Variants in THSD7A observed in about 807,000 individuals in gnomAD.
The protein encoded by THSD7A is thrombospondin type-1 domain-containing protein 7A.
A neutral mutation model predicts 231.3 loss-of-function variants in THSD7A; 96 were observed. The observed-to-expected ratio is 0.41, with a 90% confidence interval of 0.35 to 0.49. The LOEUF (loss-of-function observed/expected upper bound fraction) is 0.49, where lower values mean the gene tolerates loss of function less well. Ranked by LOEUF, THSD7A falls within the 20% of genes least tolerant of loss-of-function variation. The probability of loss-of-function intolerance (pLI) is 0.05; values close to 1 mark genes in which losing one functional copy is unlikely to be tolerated. For missense variants in THSD7A, 2,290 were observed against 2,070.2 expected (o/e 1.11, Z -2.06); for synonymous variants, 940 against 743.3 (o/e 1.26, Z -4.30).
chr7:11,594,784 C>T (rs527746052), intron 2 of THSD7A, among the ~76,000 whole-genome samples: 4 of 152,138 alleles, frequency 2.6e-5, no homozygotes, highest in East Asian at 3.9e-4. Flanking sequence ...GAGAAGGAGC[C>T]GAAATTGTGG....
At chr7:11,582,484 A>G (rs1791208390) in intron 4 of THSD7A, among the ~76,000 whole-genome samples, 2 of 152,066 alleles carry the variant, frequency 1.3e-5, no homozygotes, top group South Asian at 2.1e-4. Context: ...TGCTTCATAC[A>G]TATCTCTGCT....
chr7:11,613,128 A>G (rs1439219127), intron 2 of THSD7A, among the ~76,000 whole-genome samples: 2 of 152,234 alleles, frequency 1.3e-5, no homozygotes, highest in Admixed American at 1.3e-4. Context: ...TAGATATAAT[A>G]AAAATTCAGG....
intron 17 of THSD7A, among the ~76,000 whole-genome samples, chr7:11,413,360 A>G (rs960798274): frequency 6.6e-6 from 1 of 152,152 alleles, no homozygotes; most frequent in Non-Finnish European, 1.5e-5. Flanking sequence ...CATAGGGACC[A>G]CAGAGAAACC....
At chr7:11,425,582 C>A (rs1167890818) in intron 15 of THSD7A, among the ~76,000 whole-genome samples, 1 of 151,686 alleles carries the variant, frequency 6.6e-6, no homozygotes, top group Non-Finnish European at 1.5e-5. Flanking sequence ...TACAATGAAC[C>A]AATTATGTTC....
intron 6 of THSD7A, among the ~76,000 whole-genome samples, chr7:11,529,039 A>G (rs1174158999): frequency 3.3e-5 from 5 of 152,144 alleles, no homozygotes; most frequent in East Asian, 3.9e-4. Flanking sequence ...TAAAAACAGA[A>G]AAGTACGATT....
At chr7:11,628,301 C>T (rs934755676) in intron 2 of THSD7A, among the ~76,000 whole-genome samples, 1 of 152,170 alleles carries the variant, frequency 6.6e-6, no homozygotes, top group African/African-American at 2.4e-5. Flanking sequence ...GTTCCTCTTC[C>T]CTTTGTAATC....
intron 1 of THSD7A, among the ~76,000 whole-genome samples, chr7:11,758,144 A>G (rs1413350558): frequency 1.3e-5 from 2 of 151,792 alleles, no homozygotes; most frequent in African/African-American, 4.8e-5. Flanking sequence ...AAAGTCACAT[A>G]TAGAGAAAAT....
chr7:11,796,581 T>G (rs1359747661), intron 1 of THSD7A, among the ~76,000 whole-genome samples: 1 of 151,938 alleles, frequency 6.6e-6, no homozygotes. Flanking sequence ...AAATGTGTGT[T>G]TTTTTTTCAT....
chr7:11,695,612 A>G (rs1235951826), intron 1 of THSD7A, among the ~76,000 whole-genome samples: 1 of 151,538 alleles, frequency 6.6e-6, no homozygotes, highest in Non-Finnish European at 1.5e-5. Flanking sequence ...GAGGAAATTA[A>G]ACTGTCAAAT....
At chr7:11,618,586 G>T (rs1282361349) in intron 2 of THSD7A, among the ~76,000 whole-genome samples, 1 of 151,974 alleles carries the variant, frequency 6.6e-6, no homozygotes, top group Admixed American at 6.6e-5. Flanking sequence ...CGGATCACGA[G>T]GTCAGGAGAC....
intron 6 of THSD7A, among the ~76,000 whole-genome samples, chr7:11,510,351 A>C (rs897287277): frequency 2.0e-5 from 3 of 152,198 alleles, no homozygotes; most frequent in Non-Finnish European, 4.4e-5. Flanking sequence ...ATGTACAAAG[A>C]GGAGCTGGTA....
At chr7:11,567,294 CA>C (rs1790391780) in intron 4 of THSD7A, among the ~76,000 whole-genome samples, 1 of 152,032 alleles carries the variant, frequency 6.6e-6, no homozygotes, top group African/African-American at 2.4e-5. Context: ...AAGACAAGTG[CA>C]GAGTAAAGGG....
chr7:11,826,020 T>C (rs185057268), intron 1 of THSD7A, among the ~76,000 whole-genome samples: 123 of 152,338 alleles, frequency 8.1e-4, no homozygotes, highest in African/African-American at 2.5e-3. Flanking sequence ...TGCATATACA[T>C]TGGAGAATAT....
chr7:11,563,188 C>T (rs1379489443), intron 4 of THSD7A, among the ~76,000 whole-genome samples: 2 of 115,066 alleles, frequency 1.7e-5, no homozygotes, highest in East Asian at 4.9e-4. Context: ...ACATAAACCC[C>T]ATCATACTTA....
intron 1 of THSD7A, among the ~76,000 whole-genome samples, chr7:11,798,527 A>G (rs1260590983): frequency 6.6e-6 from 1 of 152,052 alleles, no homozygotes; most frequent in African/African-American, 2.4e-5. Context: ...AAATATGCAA[A>G]TAAAAATTGT....
chr7:11,546,189 G>GGTGCGGGCGTGT (rs1211087296), intron 4 of THSD7A, among the ~76,000 whole-genome samples: 1 of 84,290 alleles, frequency 1.2e-5, no homozygotes, highest in African/African-American at 6.3e-5. Context: ...TGTTGTTGCT[G>GGTGCGGGCGTGT]GTGTGGGCGC....
At chr7:11,583,179 A>G (rs75183642) in intron 4 of THSD7A, among the ~76,000 whole-genome samples, 3 of 152,104 alleles carry the variant, frequency 2.0e-5, no homozygotes, top group Non-Finnish European at 4.4e-5. Context: ...CTACTATTTT[A>G]AAAAATTGGT....
intron 1 of THSD7A, among the ~76,000 whole-genome samples, chr7:11,772,128 T>C (rs1278807863): frequency 6.6e-6 from 1 of 152,022 alleles, no homozygotes; most frequent in Non-Finnish European, 1.5e-5. Context: ...AATACTCTAA[T>C]CGTTAGAGAA....
chr7:11,450,805 C>A (rs1218661119), intron 11 of THSD7A, among the ~76,000 whole-genome samples: 1 of 151,952 alleles, frequency 6.6e-6, no homozygotes, highest in Admixed American at 6.6e-5. Flanking sequence ...ACAAGTTCTC[C>A]TTTGAGCTGA....
Sources: gnomAD v4.1 joint callset for allele counts (sites outside exome capture counted in the v4.1 genomes callset) on GRCh38, gnomAD v4.1.1 for gene constraint, MANE v1.5 for transcripts, NCBI Gene and HGNC (gene_info 2026-07-23, HGNC 2026-07-21) for gene names.